The following MBD5 variants were observed in gnomAD, a reference collection of about 807,000 sequenced individuals.
MBD5 encodes the protein methyl-CpG-binding domain protein 5.
In MBD5, 13 loss-of-function variants were observed where a neutral mutation model predicts 117.3. The ratio of observed to expected loss-of-function variants is 0.11; its 90% CI spans 0.07 to 0.18. The LOEUF is 0.18. Ranked by LOEUF, MBD5 falls within the 10% of genes least tolerant of loss-of-function variation. MBD5 has a pLI of 1.00. For synonymous variants in MBD5, 727 were observed against 766.4 expected, an observed-to-expected ratio of 0.95 and a Z score of 0.85; for missense variants, 1,879 against 2,093.8, an observed-to-expected ratio of 0.90 and a Z score of 2.00.
intron 1 of MBD5, among the ~76,000 whole-genome samples, chr2:148,022,509 G>C (rs1693782809): frequency 6.6e-6 from 1 of 152,116 alleles, no homozygotes; most frequent in East Asian, 1.9e-4. Flanking sequence ...GGGTATATTT[G>C]TAATCTTTGT....
intron 1 of MBD5, among the ~76,000 whole-genome samples, chr2:148,115,700 A>G (rs755068680): frequency 6.6e-6 from 1 of 152,060 alleles, no homozygotes; most frequent in Non-Finnish European, 1.5e-5. Flanking sequence ...TGCTGCATTT[A>G]CATTTTATAT....
chr2:148,093,391 AT>A (rs1695990054), intron 1 of MBD5, among the ~76,000 whole-genome samples: 1 of 152,054 alleles, frequency 6.6e-6, no homozygotes, highest in Non-Finnish European at 1.5e-5. Flanking sequence ...ATTATCAGTC[AT>A]TTTTTTGAGG....
intron 2 of MBD5, among the ~76,000 whole-genome samples, chr2:148,232,649 CTTT>C (rs5835180): frequency 3.6e-5 from 5 of 140,678 alleles, no homozygotes; most frequent in Non-Finnish European, 3.1e-5. Flanking sequence ...GACTTTTTTT[CTTT>C]TTTTTTTTTT....
At chr2:148,149,591 A>T (rs201101245) in intron 1 of MBD5, among the ~76,000 whole-genome samples, 9 of 151,764 alleles carry the variant, frequency 5.9e-5, no homozygotes, top group Non-Finnish European at 8.9e-5. Context: ...CCACATCCTC[A>T]CCAGCACCTG....
chr2:148,138,436 A>G (rs1037829580), intron 1 of MBD5, among the ~76,000 whole-genome samples: 1 of 152,208 alleles, frequency 6.6e-6, no homozygotes, highest in African/African-American at 2.4e-5. Context: ...GCCGAGATTC[A>G]TTTGGAATAA....
At chr2:148,388,664 T>G (rs1704454342) in intron 4 of MBD5, among the ~76,000 whole-genome samples, 1 of 152,166 alleles carries the variant, frequency 6.6e-6, no homozygotes, top group Non-Finnish European at 1.5e-5. Flanking sequence ...AGGTTTAGTT[T>G]CTGCTGAGGC....
intron 11 of MBD5, among the ~76,000 whole-genome samples, chr2:148,500,634 T>C (rs1681844144): frequency 6.6e-6 from 1 of 152,196 alleles, no homozygotes; most frequent in Admixed American, 6.5e-5. Flanking sequence ...AAGTTTTAAT[T>C]GCTGTGTCTT....
chr2:148,171,642 G>A (rs1279266665), intron 1 of MBD5, among the ~76,000 whole-genome samples: 2 of 152,268 alleles, frequency 1.3e-5, no homozygotes, highest in Middle Eastern at 3.4e-3. Flanking sequence ...GAGAAAGAAA[G>A]AAAAAGCATC....
chr2:148,492,588 A>G (rs1178066164), intron 11 of MBD5, among the ~76,000 whole-genome samples: 1 of 152,092 alleles, frequency 6.6e-6, no homozygotes, highest in African/African-American at 2.4e-5. Flanking sequence ...AGCATTTTTA[A>G]AAACCTGTTC....
chr2:148,160,350 T>C (rs1358601520), intron 1 of MBD5, among the ~76,000 whole-genome samples: 2 of 152,006 alleles, frequency 1.3e-5, no homozygotes, highest in African/African-American at 4.8e-5. Flanking sequence ...GTGAGTGAGA[T>C]AGCACCACTG....
chr2:148,470,094 C>G lies in MBD5; in HGVS notation c.2151C>G (p.Ser717Arg), dbSNP rs1251081787. The change falls in exon 8 of 14, where the codon AGC becomes AGG. Residue 717 changes from serine (S) to arginine (R), a missense_variant. By Grantham distance (110) the Ser-to-Arg change is moderately radical. This residue lies in a region of MBD5 where 1,666 missense variants were observed against 1,792.2 expected (regional missense o/e 0.93). Coordinates refer to ENST00000642680, the MANE Select transcript of MBD5 (RefSeq NM_001378120.1). ...GTTGTCAAAGCTCTCACTTGAGTAGCAATAGTACCCCGGGTTGTGGGGCCT... is the reference window on the plus strand; with the variant it reads ...GTTGTCAAAGCTCTCACTTGAGTAGGAATAGTACCCCGGGTTGTGGGGCCT... ...SMSCQSSHLSSNSTPGCGASN... is the reference protein window; with the variant it reads ...SMSCQSSHLSRNSTPGCGASN... 1 of 1,613,884 alleles carries G rather than the reference C, an allele frequency of 6.2e-7. No individual in the cohort carries two copies. Among genetic ancestry groups the G allele is most frequent in the Non-Finnish European group, 8.5e-7 (1 of 1,179,906 alleles).
intron 1 of MBD5, among the ~76,000 whole-genome samples, chr2:148,139,253 C>A (rs1252786433): frequency 6.6e-6 from 1 of 152,062 alleles, no homozygotes; most frequent in Admixed American, 6.6e-5. Flanking sequence ...ACTGCCCAGG[C>A]TGGAGTGCAG....
chr2:148,394,739 A>T (rs1704662279), intron 4 of MBD5, among the ~76,000 whole-genome samples: 2 of 150,222 alleles, frequency 1.3e-5, no homozygotes, highest in Admixed American at 6.6e-5. Flanking sequence ...TATATTTATT[A>T]TTTCCTTCCT....
chr2:148,099,439 T>G (rs1027120366), intron 1 of MBD5, among the ~76,000 whole-genome samples: 1 of 152,214 alleles, frequency 6.6e-6, no homozygotes, highest in African/African-American at 2.4e-5. Context: ...AAAAAGCAAT[T>G]AGTACTGCCT....
At chr2:148,175,120 C>T (rs1333578255) in intron 1 of MBD5, among the ~76,000 whole-genome samples, 3 of 152,080 alleles carry the variant, frequency 2.0e-5, no homozygotes, top group Non-Finnish European at 4.4e-5. Context: ...CAAATATTCT[C>T]ACCACAAAGA....
At chr2:148,038,401 C>T (rs1310203214) in intron 1 of MBD5, among the ~76,000 whole-genome samples, 1 of 151,318 alleles carries the variant, frequency 6.6e-6, no homozygotes, top group Admixed American at 6.6e-5. Context: ...TACTATGGTT[C>T]CTAAATCTCA....
chr2:148,426,362 G>A (rs971667223), intron 4 of MBD5, among the ~76,000 whole-genome samples: 3 of 152,062 alleles, frequency 2.0e-5, no homozygotes, highest in Non-Finnish European at 2.9e-5. Context: ...TAAGCCAAAA[G>A]AACAAAGCTG....
intron 1 of MBD5, among the ~76,000 whole-genome samples, chr2:148,069,932 C>T (rs1332522389): frequency 6.6e-6 from 1 of 152,094 alleles, no homozygotes; most frequent in Non-Finnish European, 1.5e-5. Context: ...GTTATCATGT[C>T]AATGTGTGGG....
intron 11 of MBD5, among the ~76,000 whole-genome samples, chr2:148,494,202 A>G (rs554379740): frequency 6.6e-6 from 1 of 152,336 alleles, no homozygotes; most frequent in African/African-American, 2.4e-5. Context: ...CCATGTATAA[A>G]GGATTTATTA....
Sources: gnomAD v4.1 joint callset for allele counts (sites outside exome capture counted in the v4.1 genomes callset) on GRCh38, gnomAD v4.1.1 for gene constraint, gnomAD v4.1.1 regional missense constraint, MANE v1.5 for transcripts, NCBI Gene and HGNC (gene_info 2026-07-23, HGNC 2026-07-21) for gene names.